The following CAST variants were observed in gnomAD, a reference collection of about 807,000 sequenced individuals.
CAST encodes calpastatin.
Under a neutral mutation model 119.6 loss-of-function variants are expected in CAST, and 76 were observed. The observed-to-expected ratio is 0.64, with a 90% CI of 0.53 to 0.77. The LOEUF (loss-of-function observed/expected upper bound fraction) is 0.77, where lower values mean the gene tolerates loss of function less well. Ranked by LOEUF, CAST falls within the 30% of genes least tolerant of loss-of-function variation. The probability of loss-of-function intolerance (pLI) is 0.00; values close to 1 mark genes in which losing one functional copy is unlikely to be tolerated. For synonymous variants in CAST, 319 were observed against 331.6 expected (o/e 0.96, Z 0.41); for missense variants, 953 against 946.5 (o/e 1.01, Z -0.09).
the CAST span, among the ~76,000 whole-genome samples, chr5:96,517,655 A>AT: frequency 6.6e-6 from 1 of 152,202 alleles, no homozygotes; most frequent in Admixed American, 6.5e-5. Flanking sequence ...GTCTGTGCTC[A>AT]TTATTGCTCC....
At chr5:96,384,215 G>A in the CAST span, among the ~76,000 whole-genome samples, 1 of 152,142 alleles carries the variant, frequency 6.6e-6, no homozygotes, top group Admixed American at 6.5e-5. Context: ...AAATTGGGTA[G>A]AAAATTAGAT....
chr5:96,043,540 A>T, the CAST span, among the ~76,000 whole-genome samples: 2 of 152,162 alleles, frequency 1.3e-5, no homozygotes, highest in African/African-American at 4.8e-5. Flanking sequence ...ATCATGAGGA[A>T]CTCAAAGTTT....
chr5:96,207,619 C>T, the CAST span, among the ~76,000 whole-genome samples: 1 of 151,766 alleles, frequency 6.6e-6, no homozygotes, highest in East Asian at 1.9e-4. Context: ...GTGTATGTTG[C>T]ACCAACCTTG....
chr5:96,637,681 A>G (rs1416907616), intron 1 of CAST, among the ~76,000 whole-genome samples: 2 of 152,366 alleles, frequency 1.3e-5, no homozygotes, highest in South Asian at 2.1e-4. Flanking sequence ...ACTAAAATCC[A>G]TAAAAGCTAA....
intron 11 of CAST, 81 bp downstream of exon 11, chr5:96,738,028 A>G: frequency 3.7e-6 from 3 of 815,466 alleles, no homozygotes; most frequent in Non-Finnish European, 6.2e-6. Flanking sequence ...AGTACAAAAG[A>G]ATACCTAGTG....
the CAST span, among the ~76,000 whole-genome samples, chr5:96,057,041 C>G: frequency 6.6e-6 from 1 of 152,070 alleles, no homozygotes; most frequent in African/African-American, 2.4e-5. Context: ...GGTTGGATAA[C>G]TTTTATGTAC....
chr5:96,631,038 T>C (rs1487503920), intron 1 of CAST: 1 of 140,876 alleles, frequency 7.1e-6, no homozygotes, highest in Non-Finnish European at 1.6e-5. Flanking sequence ...CTAGAATATA[T>C]TTCTTCATTG....
chr5:96,647,697 G>A (rs140372935), intron 1 of CAST, among the ~76,000 whole-genome samples: 11 of 152,210 alleles, frequency 7.2e-5, no homozygotes, highest in Admixed American at 2.0e-4. Flanking sequence ...GGCACACACC[G>A]GGAGAACACC....
the CAST span, among the ~76,000 whole-genome samples, chr5:96,344,240 G>C: frequency 6.6e-6 from 1 of 152,274 alleles, no homozygotes; most frequent in South Asian, 2.1e-4. Flanking sequence ...ATGTATAGGA[G>C]GGAAGTGGGC....
At chr5:96,358,469 G>A in the CAST span, among the ~76,000 whole-genome samples, 1 of 152,130 alleles carries the variant, frequency 6.6e-6, no homozygotes, top group Non-Finnish European at 1.5e-5. Flanking sequence ...TGGGCATTTA[G>A]TGCTATAAAT....
chr5:96,333,730 C>T, the CAST span, among the ~76,000 whole-genome samples: 2 of 152,122 alleles, frequency 1.3e-5, no homozygotes, highest in Non-Finnish European at 2.9e-5. Context: ...GTACTCAGCA[C>T]AGTGATTGCT....
intron 1 of CAST, among the ~76,000 whole-genome samples, chr5:96,667,487 C>T (rs531727181): frequency 2.0e-5 from 3 of 152,196 alleles, no homozygotes; most frequent in Admixed American, 1.3e-4. Flanking sequence ...CTCATCCAGC[C>T]TTACTTCAGG....
chr5:96,110,888 T>G, the CAST span: 2 of 152,230 alleles, frequency 1.3e-5, no homozygotes, highest in Admixed American at 6.5e-5. Flanking sequence ...GGGAAACAGT[T>G]TCTCTGCTCA....
intron 25 of CAST, among the ~76,000 whole-genome samples, chr5:96,764,837 A>C (rs753722288): frequency 6.6e-5 from 10 of 152,094 alleles, no homozygotes; most frequent in Non-Finnish European, 1.5e-4. Flanking sequence ...ATGGTGTTTA[A>C]TTTCTAAATG....
At chr5:96,096,765 T>TA in the CAST span, among the ~76,000 whole-genome samples, 1 of 152,158 alleles carries the variant, frequency 6.6e-6, no homozygotes, top group Non-Finnish European at 1.5e-5. Flanking sequence ...AATGAAGGGC[T>TA]AGTTTTGGTT....
At chr5:95,980,080 C>T in the CAST span, among the ~76,000 whole-genome samples, 1 of 152,070 alleles carries the variant, frequency 6.6e-6, no homozygotes, top group Admixed American at 6.6e-5. Context: ...GTCACACCAT[C>T]GCACTCTAAC....
chr5:96,226,699 G>GCAGATAGTAA, the CAST span, among the ~76,000 whole-genome samples: 1 of 152,072 alleles, frequency 6.6e-6, no homozygotes, highest in African/African-American at 2.4e-5. Context: ...TTAAGAATCT[G>GCAGATAGTAA]TTTTATTGCA....
chr5:96,393,016 C>T, the CAST span: 1 of 1,614,140 alleles, frequency 6.2e-7, no homozygotes, highest in Middle Eastern at 1.6e-4. Flanking sequence ...TTTCCTCATT[C>T]AGAATGTCCA....
At chr5:96,187,197 C>T in the CAST span, among the ~76,000 whole-genome samples, 1 of 151,938 alleles carries the variant, frequency 6.6e-6, no homozygotes, top group African/African-American at 2.4e-5. Flanking sequence ...GTGGTGATAT[C>T]CCCCGTATCA....
Sources: gnomAD v4.1 joint callset for allele counts (sites outside exome capture counted in the v4.1 genomes callset) on GRCh38, gnomAD v4.1.1 for gene constraint, MANE v1.5 for transcripts, NCBI Gene and HGNC (gene_info 2026-07-23, HGNC 2026-07-21) for gene names.